Variants in OPCML observed in about 807,000 individuals in gnomAD.
The protein encoded by OPCML is opioid binding protein/cell adhesion molecule like.
OPCML carries 13 observed loss-of-function variants against 37.8 expected under a neutral mutation model. That is an observed-to-expected ratio of 0.34 (90% CI 0.22 to 0.55). The LOEUF is 0.55. Ranked by LOEUF, OPCML falls within the 20% of genes least tolerant of loss-of-function variation. OPCML has a pLI of 0.91. For synonymous variants in OPCML, 176 were observed against 168.8 expected, an observed-to-expected ratio of 1.04 and a Z score of -0.33; for missense variants, 341 against 435.6, an observed-to-expected ratio of 0.78 and a Z score of 1.93.
intron 4 of OPCML, among the ~76,000 whole-genome samples, chr11:132,499,591 A>C (rs1463204245): frequency 6.6e-6 from 1 of 152,200 alleles, no homozygotes; most frequent in African/African-American, 2.4e-5. Context: ...TTAAAAGCTC[A>C]AAGTCTGGAA....
At chr11:133,117,794 C>T (rs1949359503) in intron 1 of OPCML, 1 of 983,636 alleles carries the variant, frequency 1.0e-6, no homozygotes, top group Admixed American at 6.1e-5. Context: ...GTGCTTAGAT[C>T]AGAAGCAAAC....
intron 1 of OPCML, among the ~76,000 whole-genome samples, chr11:133,463,278 G>A (rs1286500965): frequency 6.6e-6 from 1 of 152,062 alleles, no homozygotes; most frequent in African/African-American, 2.4e-5. Flanking sequence ...TGTTTAATGG[G>A]TACAGAGTTT....
intron 4 of OPCML, among the ~76,000 whole-genome samples, chr11:132,508,991 G>A (rs975283382): frequency 6.6e-6 from 1 of 152,196 alleles, no homozygotes. Context: ...ATGTGGAAAA[G>A]TTTGGACCTC....
intron 1 of OPCML, among the ~76,000 whole-genome samples, chr11:133,342,714 G>T (rs1943901489): frequency 6.6e-6 from 1 of 152,172 alleles, no homozygotes; most frequent in Non-Finnish European, 1.5e-5. Context: ...GAAGACTCAG[G>T]TGGAGTCTCC....
intron 1 of OPCML, among the ~76,000 whole-genome samples, chr11:133,516,697 G>T (rs1240018922): frequency 6.6e-6 from 1 of 152,152 alleles, no homozygotes; most frequent in Non-Finnish European, 1.5e-5. Context: ...CCGGTGCAGA[G>T]CCGGGACAGA....
chr11:132,619,301 A>G (rs1423558153), intron 3 of OPCML, among the ~76,000 whole-genome samples: 2 of 152,120 alleles, frequency 1.3e-5, no homozygotes, highest in African/African-American at 4.8e-5. Context: ...ATTACTACAT[A>G]TATCTTCCTA....
chr11:132,887,748 A>G (rs971062919), intron 2 of OPCML, among the ~76,000 whole-genome samples: 7 of 152,236 alleles, frequency 4.6e-5, no homozygotes, highest in African/African-American at 1.4e-4. Flanking sequence ...GGTTTAAGAG[A>G]GTGTCAAAAA....
At chr11:133,446,687 T>C (rs1946480419) in intron 1 of OPCML, among the ~76,000 whole-genome samples, 1 of 152,254 alleles carries the variant, frequency 6.6e-6, no homozygotes, top group African/African-American at 2.4e-5. Flanking sequence ...CTCATTCTTA[T>C]TTGTTGTTAC....
chr11:132,514,654 T>C (rs1188661009), intron 4 of OPCML, among the ~76,000 whole-genome samples: 1 of 152,096 alleles, frequency 6.6e-6, no homozygotes, highest in Non-Finnish European at 1.5e-5. Flanking sequence ...ACTCAATATT[T>C]TTTTGCCAAA....
intron 1 of OPCML, among the ~76,000 whole-genome samples, chr11:133,436,038 CACAA>C (rs576338620): frequency 7.9e-5 from 12 of 152,136 alleles, no homozygotes; most frequent in East Asian, 5.8e-4. Flanking sequence ...CACGTGCAAC[CACAA>C]ACAAACATAT....
chr11:133,353,626 A>G (rs1272523696), intron 1 of OPCML, among the ~76,000 whole-genome samples: 1 of 152,186 alleles, frequency 6.6e-6, no homozygotes, highest in African/African-American at 2.4e-5. Flanking sequence ...TAAGGAAATC[A>G]GTAAGCTCAC....
At chr11:133,171,111 G>C (rs1158175958) in intron 1 of OPCML, among the ~76,000 whole-genome samples, 2 of 152,236 alleles carry the variant, frequency 1.3e-5, no homozygotes, top group African/African-American at 4.8e-5. Context: ...AGAGATTTCA[G>C]GGAGTGAGGC....
In OPCML at chr11:133,265,889, C is replaced by G. The variant is rs1188105995; in HGVS notation, c.61+266375G>C. ...GAAACAGTGAGACTTCATGGCACAT[C>G]TCTCAGCCAATCGTCTCAGATGGCT... is the stretch of plus-strand genomic sequence containing the variant. On this transcript the variant is annotated intron_variant, in intron 1 of 7. Coordinates refer to ENST00000524381, the MANE Select transcript of OPCML (RefSeq NM_001012393.5). Among the ~76,000 whole-genome samples the G allele has an allele frequency of 1.3e-5, 2 of 152,208 alleles. 1 individual carries two copies. Among genetic ancestry groups the G allele is most frequent in the Non-Finnish European group, 2.9e-5 (2 of 68,036 alleles).
At position 132,418,250 on chromosome 11, in the gene OPCML, C is replaced by T. The variant is rs889693196; in HGVS notation, c.*1943G>A. The T allele has an allele frequency of 1.3e-5, 2 of 152,170 alleles. No homozygotes were observed. The highest frequency in any genetic ancestry group is 6.5e-5 in the Admixed American group (1 of 15,272). The allele number at this position is 152,170 out of a possible 1,614,324, so 9.4% of individuals were successfully genotyped here. ...AAAAGGTTTTCCAACTGAGGCAGGG[C>T]AGGTCTGCGATTGATGCTGCATTCT... On this transcript the variant is annotated 3_prime_UTR_variant, in exon 8 of 8. Transcript: ENST00000524381.
chr11:132,620,238 T>G (rs1939318528), intron 3 of OPCML, among the ~76,000 whole-genome samples: 1 of 152,188 alleles, frequency 6.6e-6, no homozygotes, highest in Non-Finnish European at 1.5e-5. Context: ...ACTAATGCAT[T>G]GAAACTCACA....
At chr11:133,293,253 A>G (rs1262583967) in intron 1 of OPCML, among the ~76,000 whole-genome samples, 2 of 152,116 alleles carry the variant, frequency 1.3e-5, no homozygotes, top group African/African-American at 2.4e-5. Flanking sequence ...CCCCATTTTC[A>G]ACCTTTATTT....
chr11:133,347,240 C>A (rs528298599), intron 1 of OPCML, among the ~76,000 whole-genome samples: 3 of 152,226 alleles, frequency 2.0e-5, no homozygotes, highest in African/African-American at 7.2e-5. Context: ...GTTGCTGCTA[C>A]ACCTCTCCAA....
intron 3 of OPCML, among the ~76,000 whole-genome samples, chr11:132,566,471 G>A (rs911153886): frequency 1.3e-5 from 2 of 152,192 alleles, no homozygotes; most frequent in Non-Finnish European, 2.9e-5. Context: ...GCTAGAAAAT[G>A]CTACTTACTA....
At chr11:132,783,426 G>T (rs1947100503) in intron 2 of OPCML, among the ~76,000 whole-genome samples, 1 of 152,262 alleles carries the variant, frequency 6.6e-6, no homozygotes, top group East Asian at 1.9e-4. Context: ...CGCATTTAAA[G>T]ACACATCATA....
Sources: allele counts gnomAD v4.1 joint callset (sites outside exome capture counted in the v4.1 genomes callset), GRCh38; gene constraint gnomAD v4.1.1; transcripts MANE v1.5; gene names NCBI Gene and HGNC (gene_info 2026-07-23, HGNC 2026-07-21).